The following MEIS1 variants were observed in gnomAD, a reference collection of about 807,000 sequenced individuals.
MEIS1 encodes the protein Meis homeobox 1.
In MEIS1, 5 loss-of-function variants were observed where a neutral mutation model predicts 50.8. The observed-to-expected ratio is 0.10, with a 90% CI of 0.05 to 0.21. The LOEUF is 0.21. Among genes scored for constraint, MEIS1 ranks in the 10% least tolerant of loss-of-function variants. The pLI is 1.00. For synonymous variants in MEIS1, 176 were observed against 179.3 expected (o/e 0.98, Z 0.15); for missense variants, 318 against 517.3 (o/e 0.61, Z 3.74).
intron 9 of MEIS1, among the ~76,000 whole-genome samples, chr2:66,555,871 G>C (rs564399037): frequency 6.6e-6 from 1 of 152,284 alleles, no homozygotes; most frequent in South Asian, 2.1e-4. Flanking sequence ...GAATAGAACA[G>C]TTTTCTTGAA....
chr2:66,455,836 A>T (rs1558525015), intron 6 of MEIS1, among the ~76,000 whole-genome samples: 1 of 152,212 alleles, frequency 6.6e-6, no homozygotes, highest in Non-Finnish European at 1.5e-5. Context: ...TGTAATTAAA[A>T]AACCATTAGA....
intron 12 of MEIS1, chr2:66,569,937 C>G (rs376488940): frequency 1.3e-5 from 2 of 152,414 alleles, no homozygotes; most frequent in Non-Finnish European, 2.9e-5. Flanking sequence ...CTTGCATTTT[C>G]TCTCCTATAA....
chr2:66,445,673 C>T (rs950034967), intron 6 of MEIS1, among the ~76,000 whole-genome samples: 1 of 152,086 alleles, frequency 6.6e-6, no homozygotes, highest in African/African-American at 2.4e-5. Context: ...TTTTATTTTA[C>T]CTGTTTTCCT....
chr2:66,481,850 C>CTTTTTTTTTT (rs996753363), intron 7 of MEIS1, among the ~76,000 whole-genome samples: 3 of 90,178 alleles, frequency 3.3e-5, no homozygotes, highest in Non-Finnish European at 4.4e-5. Flanking sequence ...TCTGATATTT[C>CTTTTTTTTTT]TTTTTTTTTT....
intron 7 of MEIS1, among the ~76,000 whole-genome samples, chr2:66,507,327 G>C (rs1029423614): frequency 1.3e-5 from 2 of 152,118 alleles, no homozygotes; most frequent in Admixed American, 1.3e-4. Flanking sequence ...GAGAGGATAT[G>C]GCCCAAAACT....
chr2:66,525,529 C>T (rs1674228243), intron 8 of MEIS1, among the ~76,000 whole-genome samples: 1 of 152,206 alleles, frequency 6.6e-6, no homozygotes, highest in Non-Finnish European at 1.5e-5. Flanking sequence ...TTGTTTTTAT[C>T]ATATTAGTTT....
chr2:66,435,897 C>CA, intron 1 of MEIS1, 29 bp downstream of exon 1: 1 of 1,546,760 alleles, frequency 6.5e-7, no homozygotes, highest in Non-Finnish European at 8.7e-7. Context: ...TTGTGGAACT[C>CA]AAATGTGAGA....
intron 7 of MEIS1, among the ~76,000 whole-genome samples, chr2:66,481,938 T>C (rs1673026413): frequency 7.2e-6 from 1 of 138,114 alleles, no homozygotes; most frequent in South Asian, 2.5e-4. Flanking sequence ...TACTGCAACC[T>C]CCGCCTTCCA....
intron 9 of MEIS1, among the ~76,000 whole-genome samples, chr2:66,550,171 T>G (rs952192845): frequency 6.6e-6 from 1 of 152,236 alleles, no homozygotes; most frequent in Non-Finnish European, 1.5e-5. Context: ...AAATAGCTTT[T>G]AATTAGTTAT....
intron 7 of MEIS1, among the ~76,000 whole-genome samples, chr2:66,486,194 T>C (rs1032902499): frequency 2.0e-4 from 30 of 152,242 alleles, no homozygotes; most frequent in Non-Finnish European, 8.8e-5. Flanking sequence ...CTGAATGTTA[T>C]CGCCTAGGTT....
At chr2:66,440,034 C>T (rs573571119) in intron 3 of MEIS1, 50 bp downstream of exon 3, 4 of 1,541,132 alleles carry the variant, frequency 2.6e-6, no homozygotes, top group Admixed American at 4.1e-5. Flanking sequence ...GAGAGCCCCC[C>T]CTTCGCCAAC....
At chr2:66,485,903 A>C (rs1225344013) in intron 7 of MEIS1, among the ~76,000 whole-genome samples, 3 of 152,174 alleles carry the variant, frequency 2.0e-5, no homozygotes, top group African/African-American at 7.2e-5. Context: ...TCCTCTTTTG[A>C]AAAGTGTCTG....
At chr2:66,508,993 T>C (rs540154369) in intron 7 of MEIS1, 3 of 471,178 alleles carry the variant, frequency 6.4e-6, no homozygotes, top group African/African-American at 6.0e-5. Flanking sequence ...AGCTGCTGCC[T>C]GCTGCCGTGT....
intron 8 of MEIS1, 67 bp downstream of exon 8, chr2:66,512,361 A>G (rs937447832): frequency 3.3e-6 from 5 of 1,498,440 alleles, no homozygotes; most frequent in Admixed American, 2.4e-5. Context: ...ATACAAAAAA[A>G]TGAGAAAAAA....
chr2:66,477,181 G>A (rs977898432), intron 7 of MEIS1, among the ~76,000 whole-genome samples: 3 of 152,196 alleles, frequency 2.0e-5, no homozygotes, highest in African/African-American at 7.2e-5. Context: ...GGAGCAGGGG[G>A]AGGCTGGAGT....
intron 6 of MEIS1, among the ~76,000 whole-genome samples, chr2:66,447,303 A>G (rs1672175553): frequency 6.6e-6 from 1 of 152,334 alleles, no homozygotes. Context: ...TAAATTATAA[A>G]TGCTTCGTAG....
chr2:66,529,839 C>T (rs926230853), intron 8 of MEIS1, among the ~76,000 whole-genome samples: 4 of 152,052 alleles, frequency 2.6e-5, no homozygotes, highest in African/African-American at 9.7e-5. Flanking sequence ...CAATTGAATT[C>T]AGCTATCTTT....
chr2:66,437,828 C>T lies in MEIS1; in HGVS notation c.104C>T (p.Pro35Leu), dbSNP rs367951046. ...CCGCATGCAGCCAGGTCCATGCAGC[C>T]GGTCCACCACCTGAACCACGGGCCT... Reference protein sequence around the residue: ...GDPHAARSMQPVHHLNHGPPL... With the variant: ...GDPHAARSMQLVHHLNHGPPL... The change falls in exon 2 of 13, where the codon CCG becomes CTG. Residue 35 changes from proline to leucine, a missense_variant. Transcript: ENST00000272369. The T allele has an allele frequency of 6.2e-7, 1 of 1,613,844 alleles. No homozygotes were observed. The highest frequency in any genetic ancestry group is 8.5e-7 in the Non-Finnish European group (1 of 1,179,900).
intron 6 of MEIS1, among the ~76,000 whole-genome samples, chr2:66,457,341 G>C (rs1253952934): frequency 6.6e-6 from 1 of 151,910 alleles, no homozygotes; most frequent in African/African-American, 2.4e-5. Context: ...CTATGTTTTG[G>C]TTATCAAGCA....
Sources: gnomAD v4.1 joint callset for allele counts (sites outside exome capture counted in the v4.1 genomes callset) on GRCh38, gnomAD v4.1.1 for gene constraint, MANE v1.5 for transcripts, NCBI Gene and HGNC (gene_info 2026-07-23, HGNC 2026-07-21) for gene names.